MECOM: variants seen among roughly 807,000 people sequenced by gnomAD.
The protein encoded by MECOM is histone-lysine N-methyltransferase MECOM.
In MECOM, 13 loss-of-function variants were observed where a neutral mutation model predicts 116.3. The observed-to-expected ratio is 0.11, with a 90% confidence interval of 0.07 to 0.18. The LOEUF (loss-of-function observed/expected upper bound fraction) is 0.18, where lower values mean the gene tolerates loss of function less well. MECOM is among the 10% of genes least tolerant of loss of function. The pLI, the probability that MECOM is intolerant of heterozygous loss-of-function variation, is 1.00. For synonymous variants in MECOM, 528 were observed against 535.2 expected (o/e 0.99, Z 0.19); for missense variants, 1,299 against 1,509.0 (o/e 0.86, Z 2.31).
At chr3:169,470,458 T>G (rs1749032630) in intron 1 of MECOM, among the ~76,000 whole-genome samples, 1 of 152,184 alleles carries the variant, frequency 6.6e-6, no homozygotes, top group African/African-American at 2.4e-5. Flanking sequence ...AGATACAAAT[T>G]TATTCCTTTA....
At chr3:169,146,780 T>C in intron 2 of MECOM, 23 of 1,146,320 alleles carry the variant, frequency 2.0e-5, no homozygotes, top group Non-Finnish European at 2.5e-5. Context: ...AGAATCAAAA[T>C]AAACAAAATA....
intron 2 of MECOM, among the ~76,000 whole-genome samples, chr3:169,305,735 C>CT (rs1346927680): frequency 1.3e-5 from 2 of 152,184 alleles, no homozygotes; most frequent in Admixed American, 1.3e-4. Flanking sequence ...ATTAAATAAT[C>CT]TAAGAGTGAT....
chr3:169,278,854 G>A (rs551437896), intron 2 of MECOM, among the ~76,000 whole-genome samples: 53 of 152,296 alleles, frequency 3.5e-4, no homozygotes, highest in African/African-American at 1.1e-3. Context: ...GAAGAGACAA[G>A]TCATATATTG....
intron 2 of MECOM, among the ~76,000 whole-genome samples, chr3:169,325,846 C>T (rs969465402): frequency 3.9e-5 from 6 of 152,168 alleles, no homozygotes; most frequent in East Asian, 1.9e-4. Flanking sequence ...CATGAAGTTG[C>T]GTTGATTTCT....
intron 1 of MECOM, among the ~76,000 whole-genome samples, chr3:169,550,776 G>C (rs995393797): frequency 6.6e-6 from 1 of 151,408 alleles, no homozygotes. Context: ...TTCTGTCATG[G>C]AAAACAAATG....
intron 1 of MECOM, among the ~76,000 whole-genome samples, chr3:169,426,568 G>A (rs1386741198): frequency 6.6e-6 from 1 of 152,146 alleles, no homozygotes; most frequent in Non-Finnish European, 1.5e-5. Context: ...CCTGAAAAGT[G>A]TTTTTCACCT....
intron 1 of MECOM, among the ~76,000 whole-genome samples, chr3:169,585,916 G>A (rs926309001): frequency 2.6e-5 from 4 of 152,144 alleles, no homozygotes; most frequent in Admixed American, 6.6e-5. Context: ...TTCTTAGCAG[G>A]TGGTTCTGTA....
rs1733905866 is a variant in MECOM, at chr3:169,389,528, A to G, written c.38-8004T>C. On this transcript the variant is annotated intron_variant, in intron 1 of 16. Coordinates refer to ENST00000651503, the MANE Select transcript of MECOM (RefSeq NM_004991.4). ...TGCCTCTACTTTCTTTTGCCAGTAC[A>G]AATTTTTGAGAGACTTTTAGCAACC... The G allele has an allele frequency of 3.0e-6, 3 of 984,580 alleles. No individual in the cohort carries two copies. In the South Asian group the frequency reaches 1.4e-4, roughly 46 times the overall value. The allele number at this position is 984,580 out of a possible 1,614,324, so 61.0% of individuals were successfully genotyped here.
intron 1 of MECOM, among the ~76,000 whole-genome samples, chr3:169,511,992 A>G (rs569263439): frequency 1.3e-5 from 2 of 152,240 alleles, no homozygotes; most frequent in Admixed American, 6.5e-5. Context: ...TGAAATTCCC[A>G]TAGGGCACAC....
intron 1 of MECOM, among the ~76,000 whole-genome samples, chr3:169,602,732 A>T (rs1307213663): frequency 6.6e-6 from 1 of 152,236 alleles, no homozygotes; most frequent in Non-Finnish European, 1.5e-5. Context: ...AATAACATTT[A>T]AAATAAATCT....
chr3:169,378,510 AAAG>A (rs1282873502), intron 2 of MECOM, among the ~76,000 whole-genome samples: 727 of 30,682 alleles, frequency 0.024, 127 homozygotes, highest in South Asian at 0.039. Context: ...AGAAAGAAAG[AAAG>A]AAAAGAAAGA....
intron 1 of MECOM, among the ~76,000 whole-genome samples, chr3:169,431,149 C>A (rs1024035846): frequency 6.6e-6 from 1 of 152,276 alleles, no homozygotes; most frequent in South Asian, 2.1e-4. Context: ...AAGATTTGTC[C>A]TCTGAAAGAA....
At chr3:169,614,359 T>C (rs1769714593) in intron 1 of MECOM, among the ~76,000 whole-genome samples, 1 of 152,046 alleles carries the variant, frequency 6.6e-6, no homozygotes. Flanking sequence ...AAACCGAGCC[T>C]AGCAACTACC....
chr3:169,134,699 T>C (rs1292426831), intron 3 of MECOM, among the ~76,000 whole-genome samples: 4 of 152,196 alleles, frequency 2.6e-5, no homozygotes, highest in Non-Finnish European at 5.9e-5. Context: ...TAAGCAACAT[T>C]GTTTTCCTCT....
intron 2 of MECOM, among the ~76,000 whole-genome samples, chr3:169,215,314 T>C (rs544246191): frequency 1.1e-4 from 16 of 151,364 alleles, no homozygotes; most frequent in Non-Finnish European, 5.9e-5. Context: ...AAACCGACCT[T>C]GGACAAGAAA....
chr3:169,098,987 G>C (rs1722631293), intron 12 of MECOM, among the ~76,000 whole-genome samples: 1 of 151,888 alleles, frequency 6.6e-6, no homozygotes, highest in Non-Finnish European at 1.5e-5. Flanking sequence ...AATCTATCTA[G>C]TTCACTATAT....
intron 12 of MECOM, among the ~76,000 whole-genome samples, chr3:169,099,381 A>C (rs1293017589): frequency 1.3e-5 from 2 of 152,192 alleles, no homozygotes; most frequent in African/African-American, 2.4e-5. Context: ...TAATTTTCTC[A>C]AAAGGGGAAA....
At chr3:169,160,149 C>T (rs926972047) in intron 2 of MECOM, among the ~76,000 whole-genome samples, 1 of 151,924 alleles carries the variant, frequency 6.6e-6, no homozygotes, top group African/African-American at 2.4e-5. Flanking sequence ...CAATTTGCTT[C>T]TGAGAAACAG....
At chr3:169,265,084 A>G (rs1758101523) in intron 2 of MECOM, among the ~76,000 whole-genome samples, 1 of 152,234 alleles carries the variant, frequency 6.6e-6, no homozygotes, top group African/African-American at 2.4e-5. Flanking sequence ...TTGATATATA[A>G]ATCAACCCGA....
Sources: gnomAD v4.1 joint callset for allele counts (sites outside exome capture counted in the v4.1 genomes callset) on GRCh38, gnomAD v4.1.1 for gene constraint, MANE v1.5 for transcripts, NCBI Gene and HGNC (gene_info 2026-07-23, HGNC 2026-07-21) for gene names.